The following ADCY8 variants were observed in gnomAD, a reference collection of about 807,000 sequenced individuals.
ADCY8 encodes the protein adenylate cyclase type 8.
Under a neutral mutation model 119.7 loss-of-function variants are expected in ADCY8, and 51 were observed. That is an observed-to-expected ratio of 0.43 (90% CI 0.34 to 0.54). ADCY8 has a LOEUF of 0.54. Among genes scored for constraint, ADCY8 ranks in the 20% least tolerant of loss-of-function variants. The pLI is 0.03. For missense variants in ADCY8, 1,383 were observed against 1,598.8 expected (o/e 0.87, Z 2.30); for synonymous variants, 665 against 651.0 (o/e 1.02, Z -0.33).
At chr8:130,958,010 T>A (rs1281941894) in intron 2 of ADCY8, among the ~76,000 whole-genome samples, 1 of 152,138 alleles carries the variant, frequency 6.6e-6, no homozygotes, top group Admixed American at 6.5e-5. Flanking sequence ...GAGTCCCTAC[T>A]GGGGCACCAT....
chr8:130,811,871 G>C (rs1162706076), intron 14 of ADCY8, among the ~76,000 whole-genome samples: 1 of 152,136 alleles, frequency 6.6e-6, no homozygotes, highest in African/African-American at 2.4e-5. Context: ...CTTCCCTTGG[G>C]AGTCTCACAG....
intron 7 of ADCY8, among the ~76,000 whole-genome samples, chr8:130,885,269 C>T (rs1818939220): frequency 6.6e-6 from 1 of 151,526 alleles, no homozygotes; most frequent in Non-Finnish European, 1.5e-5. Flanking sequence ...GCCAAATATG[C>T]CAGGATCTGC....
intron 7 of ADCY8, among the ~76,000 whole-genome samples, chr8:130,885,781 T>A (rs2130466516): frequency 6.6e-6 from 1 of 152,190 alleles, no homozygotes; most frequent in Admixed American, 6.5e-5. Context: ...GTAGAGTGAG[T>A]AAGGAAGTGA....
intron 1 of ADCY8, among the ~76,000 whole-genome samples, chr8:131,022,905 C>A (rs376115648): frequency 5.1e-4 from 77 of 152,246 alleles, no homozygotes; most frequent in African/African-American, 1.7e-3. Flanking sequence ...ATATGAATTA[C>A]TAAATGTAAA....
At chr8:131,008,998 C>T (rs1187762505) in intron 1 of ADCY8, among the ~76,000 whole-genome samples, 3 of 152,054 alleles carry the variant, frequency 2.0e-5, no homozygotes. Context: ...TTCTAAGCGG[C>T]AAAAGGTTCA....
intron 5 of ADCY8, among the ~76,000 whole-genome samples, chr8:130,933,275 A>C (rs1487851230): frequency 6.6e-6 from 1 of 152,244 alleles, no homozygotes; most frequent in African/African-American, 2.4e-5. Flanking sequence ...TATGGCTTCT[A>C]TCAAGTTTTC....
chr8:130,990,991 C>A (rs1172850863), intron 1 of ADCY8: 1 of 152,500 alleles, frequency 6.6e-6, no homozygotes, highest in Non-Finnish European at 1.5e-5. Flanking sequence ...TATATTTAGA[C>A]TCTGGTGTTC....
intron 2 of ADCY8, among the ~76,000 whole-genome samples, chr8:130,961,198 C>T (rs1282857847): frequency 6.6e-6 from 1 of 152,104 alleles, no homozygotes; most frequent in Non-Finnish European, 1.5e-5. Flanking sequence ...CAACCTCTGC[C>T]TCTGGGTTCA....
intron 15 of ADCY8, among the ~76,000 whole-genome samples, chr8:130,787,252 A>T (rs908087352): frequency 6.6e-6 from 1 of 152,100 alleles, no homozygotes; most frequent in Non-Finnish European, 1.5e-5. Context: ...GGGAAACATG[A>T]GGGGAGACCT....
chr8:130,894,930 C>T (rs928017746), intron 7 of ADCY8, among the ~76,000 whole-genome samples: 8 of 152,010 alleles, frequency 5.3e-5, no homozygotes, highest in South Asian at 2.1e-4. Context: ...ATATGAACTG[C>T]GCTGTGTCAA....
At chr8:130,944,743 T>A (rs1424025525) in intron 3 of ADCY8, among the ~76,000 whole-genome samples, 1 of 152,212 alleles carries the variant, frequency 6.6e-6, no homozygotes, top group Non-Finnish European at 1.5e-5. Context: ...AATCCTTAGA[T>A]CTATTGCTTT....
intron 2 of ADCY8, among the ~76,000 whole-genome samples, chr8:130,967,585 A>G (rs1821798685): frequency 1.3e-5 from 2 of 152,192 alleles, no homozygotes; most frequent in Admixed American, 6.5e-5. Context: ...AATTCTTCCC[A>G]GTGCTCAACT....
At chr8:130,996,266 A>T (rs1822771447) in intron 1 of ADCY8, among the ~76,000 whole-genome samples, 1 of 152,144 alleles carries the variant, frequency 6.6e-6, no homozygotes, top group Admixed American at 6.6e-5. Flanking sequence ...ATGACTTAAG[A>T]TGATTTACAG....
chr8:130,880,824 T>C (rs1818742708), intron 8 of ADCY8, among the ~76,000 whole-genome samples: 1 of 152,154 alleles, frequency 6.6e-6, no homozygotes, highest in Non-Finnish European at 1.5e-5. Context: ...CATCTACTAC[T>C]CTCCTGGGCA....
intron 1 of ADCY8, among the ~76,000 whole-genome samples, chr8:131,016,998 G>T (rs758070312): frequency 6.6e-6 from 1 of 151,730 alleles, no homozygotes; most frequent in South Asian, 2.1e-4. Flanking sequence ...GAAAGAACTC[G>T]TGCTTTGATT....
Position 130,909,832 on chromosome 8 carries a change from T to A in ADCY8, c.1516A>T (p.Met506Leu). ...VRSRTKHDVD[M>L]RIGIHSGSVL... ...GAGCCGGAGTGGATTCCAATCCTCA[T>A]GTCAACATCGTGTTTTGTCCTTGAC... is the stretch of plus-strand genomic sequence containing the variant. The change falls in exon 6 of 18, where the codon ATG becomes TTG. Residue 506 changes from methionine to leucine, a missense_variant. Met to Leu is a conservative substitution (Grantham distance 15). Transcript: ENST00000286355. 1 of 1,614,180 alleles carries A rather than the reference T, an allele frequency of 6.2e-7. No individual in the cohort carries two copies.
At chr8:130,998,497 G>A (rs187342985) in intron 1 of ADCY8, among the ~76,000 whole-genome samples, 2 of 152,264 alleles carry the variant, frequency 1.3e-5, no homozygotes, top group Admixed American at 1.3e-4. Flanking sequence ...ACTCTGAAAG[G>A]TCTCAAAGGG....
chr8:130,976,188 G>A (rs867856767), intron 2 of ADCY8, among the ~76,000 whole-genome samples: 25 of 152,156 alleles, frequency 1.6e-4, no homozygotes, highest in Admixed American at 6.6e-4. Flanking sequence ...ATAACTTGGG[G>A]GTGGGGTAAG....
intron 1 of ADCY8, among the ~76,000 whole-genome samples, chr8:131,009,902 A>G (rs1823246989): frequency 6.6e-6 from 1 of 152,224 alleles, no homozygotes. Context: ...GCTGGAGAAT[A>G]GGATGGTAAG....
Sources: allele counts gnomAD v4.1 joint callset (sites outside exome capture counted in the v4.1 genomes callset), GRCh38; gene constraint gnomAD v4.1.1; transcripts MANE v1.5; gene names NCBI Gene and HGNC (gene_info 2026-07-23, HGNC 2026-07-21).